NTRK3: variants seen among roughly 807,000 people sequenced by gnomAD.
NTRK3 encodes the protein NT-3 growth factor receptor.
NTRK3 carries 24 observed loss-of-function variants against 91.7 expected under a neutral mutation model. That is an observed-to-expected ratio of 0.26 (90% CI 0.19 to 0.37). The LOEUF is 0.37. Ranked by LOEUF, NTRK3 falls within the 10% of genes least tolerant of loss-of-function variation. NTRK3 has a pLI of 1.00. For synonymous variants in NTRK3, 483 were observed against 404.0 expected, an observed-to-expected ratio of 1.20 and a Z score of -2.34; for missense variants, 880 against 1,068.9, an observed-to-expected ratio of 0.82 and a Z score of 2.46.
chr15:87,934,762 C>T lies in NTRK3; in HGVS notation c.1717-1578G>A, dbSNP rs374901264. On this transcript the variant is annotated intron_variant, in intron 15 of 18. Coordinates refer to ENST00000394480, the Ensembl canonical transcript of NTRK3. ...ACATTCACACTAATTAAATGACAGA[C>T]ACTTAGAGTTTGACTGGACCTCAGT... 6.6e-5 allele frequency among the ~76,000 whole-genome samples: 10 copies of T among 152,246 alleles called. No individual in the cohort carries two copies. In the South Asian group the frequency reaches 2.1e-3, roughly 32 times the overall value.
chr15:88,031,255 C>G (rs376981970), intron 14 of NTRK3, among the ~76,000 whole-genome samples: 1 of 152,094 alleles, frequency 6.6e-6, no homozygotes, highest in Admixed American at 6.5e-5. Flanking sequence ...TCAGTGTTCA[C>G]GGCGACTTCA....
intron 13 of NTRK3, among the ~76,000 whole-genome samples, chr15:88,122,627 AATCTTTGTC>A (rs1479405608): frequency 5.9e-5 from 9 of 152,010 alleles, no homozygotes; most frequent in Non-Finnish European, 1.0e-4. Context: ...TTGTTATATT[AATCTTTGTC>A]TTTTTCTGTA....
Position 88,173,156 on chromosome 15 carries a change from A to C in NTRK3, c.395+10262T>G, listed in dbSNP as rs1385731241. On this transcript the variant is annotated intron_variant, in intron 5 of 18. Transcript: ENST00000394480. ...GCCACTCAGTGTTATCATGTGCCAT[A>C]GGGGCTGGGATATGGAAAGAATGCG... Among the ~76,000 whole-genome samples the C allele has an allele frequency of 2.6e-5, 4 of 152,322 alleles. No homozygotes were observed. In the South Asian group the frequency reaches 8.3e-4, roughly 32 times the overall value.
intron 13 of NTRK3, among the ~76,000 whole-genome samples, chr15:88,101,801 G>C (rs951303029): frequency 2.0e-4 from 31 of 152,218 alleles, no homozygotes; most frequent in Middle Eastern, 3.4e-3. Context: ...CTCACTCATA[G>C]GTGGGAATTG....
At chr15:87,948,037 GC>G (rs2070745743) in intron 14 of NTRK3, among the ~76,000 whole-genome samples, 1 of 152,082 alleles carries the variant, frequency 6.6e-6, no homozygotes, top group Non-Finnish European at 1.5e-5. Context: ...CTTTCTCCTG[GC>G]CTCCTGGCTG....
At chr15:87,886,271 G>A (rs1252473403) in intron 17 of NTRK3, among the ~76,000 whole-genome samples, 3 of 151,910 alleles carry the variant, frequency 2.0e-5, no homozygotes, top group Non-Finnish European at 4.4e-5. Flanking sequence ...CAACATTAAA[G>A]GTGCAAGTGA....
chr15:88,236,223 A>G (rs924568573), intron 3 of NTRK3, among the ~76,000 whole-genome samples: 1 of 152,260 alleles, frequency 6.6e-6, no homozygotes, highest in African/African-American at 2.4e-5. Context: ...AATTCAGGTT[A>G]CCCATACAAT....
At chr15:88,001,968 T>C (rs974102469) in intron 14 of NTRK3, among the ~76,000 whole-genome samples, 2 of 152,102 alleles carry the variant, frequency 1.3e-5, no homozygotes, top group Non-Finnish European at 1.5e-5. Context: ...TCAATATACA[T>C]ACATACATGC....
chr15:87,897,546 C>T (rs1358953231), intron 17 of NTRK3, among the ~76,000 whole-genome samples: 1 of 152,110 alleles, frequency 6.6e-6, no homozygotes, highest in Non-Finnish European at 1.5e-5. Flanking sequence ...GAGGTCTCAA[C>T]CAAGCTCAGA....
chr15:88,005,479 T>A (rs2076421171), intron 14 of NTRK3, among the ~76,000 whole-genome samples: 1 of 152,192 alleles, frequency 6.6e-6, no homozygotes, highest in South Asian at 2.1e-4. Context: ...TAAAACACAC[T>A]GTTCTGCATG....
chr15:88,184,264 T>C, exon 4 of NTRK3: 1 of 1,613,678 alleles, frequency 6.2e-7, no homozygotes, highest in South Asian at 1.1e-5. Context: ...GTCCACGGCG[T>C]TGAGCGTGTG....
chr15:87,908,135 A>G (rs1032172125), intron 17 of NTRK3, among the ~76,000 whole-genome samples: 11 of 152,302 alleles, frequency 7.2e-5, no homozygotes, highest in Admixed American at 2.6e-4. Flanking sequence ...AAAGCAGCCA[A>G]ACCACTCGTC....
chr15:88,172,404 A>G (rs1017338754), intron 5 of NTRK3, among the ~76,000 whole-genome samples: 1 of 152,222 alleles, frequency 6.6e-6, no homozygotes, highest in Non-Finnish European at 1.5e-5. Context: ...AGAGGGGGAA[A>G]AAAGAGAAGA....
At chr15:87,867,266 G>A (rs1249693398) in exon 19 of NTRK3, 2 of 226,242 alleles carry the variant, frequency 8.8e-6, no homozygotes, top group East Asian at 6.4e-5. Flanking sequence ...AAGCTTGGTT[G>A]ATGTGCAGGC....
intron 14 of NTRK3, among the ~76,000 whole-genome samples, chr15:87,948,457 G>C (rs1487419517): frequency 1.3e-5 from 2 of 152,248 alleles, no homozygotes; most frequent in Non-Finnish European, 2.9e-5. Context: ...GGAGGCCGAG[G>C]TGGGTGGATC....
intron 6 of NTRK3, among the ~76,000 whole-genome samples, chr15:88,138,112 A>G (rs2042045145): frequency 1.3e-5 from 2 of 151,796 alleles, no homozygotes; most frequent in Non-Finnish European, 2.9e-5. Flanking sequence ...CCTTTTAAAG[A>G]GATATCAGCG....
chr15:87,945,520 A>G (rs1180250515), intron 14 of NTRK3, among the ~76,000 whole-genome samples: 2 of 152,156 alleles, frequency 1.3e-5, no homozygotes, highest in Admixed American at 1.3e-4. Flanking sequence ...TCTGGACAGA[A>G]AATCTCAGAG....
chr15:87,980,359 A>ATGGG (rs2074121918), intron 14 of NTRK3, among the ~76,000 whole-genome samples: 1 of 151,228 alleles, frequency 6.6e-6, no homozygotes, highest in African/African-American at 2.4e-5. Flanking sequence ...GCATGTGTAC[A>ATGGG]TGTGTTTCCA....
chr15:87,866,771 G>A (rs1428285446), exon 19 of NTRK3: 1 of 192,330 alleles, frequency 5.2e-6, no homozygotes, highest in Non-Finnish European at 1.1e-5. Context: ...CCTCTCTGGT[G>A]CCATCACAGA....
Sources: allele counts gnomAD v4.1 joint callset (sites outside exome capture counted in the v4.1 genomes callset), GRCh38; gene constraint gnomAD v4.1.1; transcripts MANE v1.5; gene names NCBI Gene and HGNC (gene_info 2026-07-23, HGNC 2026-07-21).